The following KCNMB2 variants were observed in gnomAD, a reference collection of about 807,000 sequenced individuals.
The protein encoded by KCNMB2 is potassium calcium-activated channel subfamily M regulatory beta subunit 2.
A neutral mutation model predicts 24.5 loss-of-function variants in KCNMB2; 9 were observed. The observed-to-expected ratio is 0.37, with a 90% confidence interval of 0.22 to 0.64. The LOEUF (loss-of-function observed/expected upper bound fraction) is 0.64, where lower values mean the gene tolerates loss of function less well. KCNMB2 is among the 30% of genes least tolerant of loss of function. The pLI, the probability that KCNMB2 is intolerant of heterozygous loss-of-function variation, is 0.63. For synonymous variants in KCNMB2, 109 were observed against 104.4 expected, an observed-to-expected ratio of 1.04 and a Z score of -0.27; for missense variants, 226 against 284.3, an observed-to-expected ratio of 0.79 and a Z score of 1.47.
At chr3:178,759,281 CTCTCCAAGAGGAGACATATATATA>C (rs1711568354) in intron 1 of KCNMB2, among the ~76,000 whole-genome samples, 2 of 117,184 alleles carry the variant, frequency 1.7e-5, no homozygotes, top group Non-Finnish European at 3.5e-5. Context: ...ACATATATAT[CTCTCCAAGAGGAGACATATATATA>C]TCTCCAAGAG....
intron 1 of KCNMB2, among the ~76,000 whole-genome samples, chr3:178,583,061 TAA>T (rs1337511490): frequency 1.3e-5 from 2 of 152,192 alleles, no homozygotes; most frequent in Admixed American, 1.3e-4. Context: ...CATTTGGTTA[TAA>T]GAGGAAACAG....
At chr3:178,659,753 T>A (rs1720460352) in intron 1 of KCNMB2, among the ~76,000 whole-genome samples, 1 of 152,200 alleles carries the variant, frequency 6.6e-6, no homozygotes, top group Non-Finnish European at 1.5e-5. Context: ...CATATGAAAG[T>A]TATGTTAATT....
intron 1 of KCNMB2, among the ~76,000 whole-genome samples, chr3:178,736,570 C>T (rs532016989): frequency 1.2e-4 from 19 of 152,286 alleles, no homozygotes; most frequent in South Asian, 4.1e-4. Context: ...ACGCTGTAAC[C>T]GGTTTGATGG....
At chr3:178,564,992 T>C (rs1320899374) in intron 1 of KCNMB2, among the ~76,000 whole-genome samples, 2 of 152,184 alleles carry the variant, frequency 1.3e-5, no homozygotes, top group African/African-American at 2.4e-5. Context: ...TTAAAGTATA[T>C]GAAATTAAAT....
Position 178,632,557 on chromosome 3 carries a change from A to G in KCNMB2, c.-68+95846A>G, listed in dbSNP as rs551310870. Among the ~76,000 whole-genome samples the G allele has an allele frequency of 4.9e-4, 74 of 152,228 alleles. 1 individual carries two copies. Among genetic ancestry groups the G allele is most frequent in the African/African-American group, 1.7e-3 (70 of 41,528 alleles). On this transcript the variant is annotated intron_variant, in intron 1 of 4. Transcript: ENST00000452583. Reference sequence around the variant, plus strand: ...TCTTTTGAGAGCTTACTATCATGAGAACAGCATGGTGGTAACTCCCCCTAT... The same window carrying G: ...TCTTTTGAGAGCTTACTATCATGAGGACAGCATGGTGGTAACTCCCCCTAT...
intron 1 of KCNMB2, among the ~76,000 whole-genome samples, chr3:178,805,085 G>A (rs944565460): frequency 6.6e-6 from 1 of 152,204 alleles, no homozygotes; most frequent in Non-Finnish European, 1.5e-5. Context: ...TAAATCTAGT[G>A]TCTAGGGCAT....
At chr3:178,571,477 T>TATATAC (rs1482864508) in intron 1 of KCNMB2, among the ~76,000 whole-genome samples, 1 of 142,504 alleles carries the variant, frequency 7.0e-6, no homozygotes, top group Non-Finnish European at 1.5e-5. Context: ...TATATATATA[T>TATATAC]ATATATATAC....
chr3:178,670,328 C>A (rs1205007521), intron 1 of KCNMB2, among the ~76,000 whole-genome samples: 1 of 152,040 alleles, frequency 6.6e-6, no homozygotes, highest in African/African-American at 2.4e-5. Flanking sequence ...ATATCATTAA[C>A]ACCAGTCACG....
Position 178,659,137 on chromosome 3 carries a change from C to A in KCNMB2, c.-68+122426C>A, listed in dbSNP as rs9859434. The stretch of plus-strand genomic sequence containing the variant: ...AACATTTCAAATAGCAAAGTCAGCT[C>A]ATGCATGAAGCAGTCACTATGGAAT... On this transcript the variant is annotated intron_variant, in intron 1 of 4. Transcript: ENST00000452583. Among the ~76,000 whole-genome samples, 984 of 152,352 alleles carry A rather than the reference C, an allele frequency of 6.5e-3. 9 individuals are homozygous for A. The highest frequency in any genetic ancestry group is 0.022 in the African/African-American group (921 of 41,580).
chr3:178,764,751 G>C (rs147772304), intron 1 of KCNMB2, among the ~76,000 whole-genome samples: 1 of 152,194 alleles, frequency 6.6e-6, no homozygotes, highest in African/African-American at 2.4e-5. Context: ...ATGAACACTG[G>C]AAGTTTTTAT....
intron 1 of KCNMB2, among the ~76,000 whole-genome samples, chr3:178,542,477 T>G (rs1172840750): frequency 6.6e-6 from 1 of 152,156 alleles, no homozygotes; most frequent in East Asian, 1.9e-4. Flanking sequence ...ATTGAACAGA[T>G]AAGAAAACTC....
intron 1 of KCNMB2, among the ~76,000 whole-genome samples, chr3:178,783,195 C>G (rs1712945519): frequency 2.0e-5 from 3 of 152,184 alleles, no homozygotes; most frequent in South Asian, 4.1e-4. Context: ...GTTACTGTAG[C>G]CTTGTGGTAT....
At chr3:178,755,935 A>G (rs1724016139) in intron 1 of KCNMB2, among the ~76,000 whole-genome samples, 1 of 152,206 alleles carries the variant, frequency 6.6e-6, no homozygotes, top group African/African-American at 2.4e-5. Context: ...TGGAATGAGG[A>G]AGAATTTCAG....
intron 1 of KCNMB2, among the ~76,000 whole-genome samples, chr3:178,573,341 A>G (rs1012903219): frequency 6.6e-6 from 1 of 152,186 alleles, no homozygotes; most frequent in African/African-American, 2.4e-5. Context: ...CCAAAAGTTT[A>G]TGAATTAAGG....
chr3:178,645,732 G>A (rs1322821194), intron 1 of KCNMB2, among the ~76,000 whole-genome samples: 1 of 152,176 alleles, frequency 6.6e-6, no homozygotes, highest in African/African-American at 2.4e-5. Context: ...CCTCAGGCAA[G>A]ACAGACCAGT....
At chr3:178,664,720 AG>A (rs1560155174) in intron 1 of KCNMB2, among the ~76,000 whole-genome samples, 1 of 152,130 alleles carries the variant, frequency 6.6e-6, no homozygotes, top group Non-Finnish European at 1.5e-5. Context: ...GAAGGAAGAA[AG>A]GAAGGGAGAG....
intron 1 of KCNMB2, among the ~76,000 whole-genome samples, chr3:178,692,896 C>G (rs1050373157): frequency 3.9e-5 from 6 of 151,978 alleles, no homozygotes; most frequent in Non-Finnish European, 5.9e-5. Context: ...GAATGTTTTC[C>G]CATTTGTTTG....
chr3:178,718,224 G>A (rs1280189854), intron 1 of KCNMB2, among the ~76,000 whole-genome samples: 2 of 152,178 alleles, frequency 1.3e-5, no homozygotes, highest in Non-Finnish European at 2.9e-5. Flanking sequence ...TGGGATACAA[G>A]CGTCTTGCAG....
At chr3:178,545,918 G>A (rs926227715) in intron 1 of KCNMB2, among the ~76,000 whole-genome samples, 1 of 152,134 alleles carries the variant, frequency 6.6e-6, no homozygotes, top group Admixed American at 6.6e-5. Context: ...CTGTGAAGAT[G>A]ATCATTCACT....
Sources: allele counts gnomAD v4.1 joint callset (sites outside exome capture counted in the v4.1 genomes callset), GRCh38; gene constraint gnomAD v4.1.1; transcripts MANE v1.5; gene names NCBI Gene and HGNC (gene_info 2026-07-23, HGNC 2026-07-21).